Variants in DTD1 observed in about 807,000 individuals in gnomAD.
DTD1 encodes the protein D-tyrosyl-tRNA deacylase 1 homolog.
DTD1 carries 13 observed loss-of-function variants against 25.6 expected under a neutral mutation model. The ratio of observed to expected loss-of-function variants is 0.51; its 90% CI spans 0.33 to 0.81. The LOEUF (loss-of-function observed/expected upper bound fraction) is 0.81. DTD1 is among the 30% of genes least tolerant of loss of function. DTD1 has a pLI of 0.02. For synonymous variants in DTD1, 110 were observed against 103.6 expected, an observed-to-expected ratio of 1.06 and a Z score of -0.37; for missense variants, 193 against 266.4, an observed-to-expected ratio of 0.72 and a Z score of 1.92.
At chr20:18,669,815 G>A (rs896859530) in intron 4 of DTD1, among the ~76,000 whole-genome samples, 1 of 152,124 alleles carries the variant, frequency 6.6e-6, no homozygotes, top group Non-Finnish European at 1.5e-5. Flanking sequence ...ACCGTGGCCT[G>A]CTTAACATTT....
At chr20:18,639,081 A>G (rs1368104840) in intron 4 of DTD1, among the ~76,000 whole-genome samples, 1 of 151,496 alleles carries the variant, frequency 6.6e-6, no homozygotes, top group Admixed American at 6.6e-5. Flanking sequence ...GACATCAGAC[A>G]TTGGACATCA....
At chr20:18,756,493 GCCAGTTTT>G in intron 5 of DTD1, among the ~76,000 whole-genome samples, 1 of 152,324 alleles carries the variant, frequency 6.6e-6, no homozygotes, top group African/African-American at 2.4e-5. Context: ...CATATGGCTA[GCCAGTTTT>G]CCCAGCACCA....
In DTD1 at chr20:18,644,512, A is replaced by G. The variant is rs146982558; in HGVS notation, c.477+16279A>G. ...TATACCTCCCAGATGTGACCTGTGA[A>G]TAAAATACCAGGTAGGCTCAGCCAA... On this transcript the variant is annotated intron_variant, in intron 4 of 5. Transcript: ENST00000377452. Among the ~76,000 whole-genome samples, 1,200 of 152,362 alleles carry G rather than the reference A, an allele frequency of 7.9e-3. 8 individuals are homozygous for G. Among genetic ancestry groups the G allele is most frequent in the Middle Eastern group, 0.014 (4 of 294 alleles).
intron 3 of DTD1, among the ~76,000 whole-genome samples, chr20:18,601,269 G>T (rs1484524720): frequency 6.6e-6 from 1 of 152,154 alleles, no homozygotes; most frequent in Non-Finnish European, 1.5e-5. Context: ...GGAAGCCGAG[G>T]AGGTCAGATC....
intron 4 of DTD1, among the ~76,000 whole-genome samples, chr20:18,666,201 T>A (rs1043025973): frequency 2.6e-5 from 4 of 152,212 alleles, no homozygotes; most frequent in African/African-American, 4.8e-5. Context: ...TTTCTAGTGA[T>A]AGACTATGGT....
At chr20:18,666,105 T>G (rs903384044) in intron 4 of DTD1, among the ~76,000 whole-genome samples, 1 of 152,210 alleles carries the variant, frequency 6.6e-6, no homozygotes, top group Admixed American at 6.5e-5. Flanking sequence ...CAGTGACAGT[T>G]TCTCAGCCTT....
At chr20:18,612,656 ATCTT>A (rs2060691976) in intron 3 of DTD1, among the ~76,000 whole-genome samples, 1 of 151,492 alleles carries the variant, frequency 6.6e-6, no homozygotes, top group African/African-American at 2.4e-5. Flanking sequence ...CTTTTCTGTT[ATCTT>A]TCTTTTTTTT....
At chr20:18,616,142 T>C (rs907567106) in intron 3 of DTD1, among the ~76,000 whole-genome samples, 6 of 152,244 alleles carry the variant, frequency 3.9e-5, no homozygotes, top group African/African-American at 1.4e-4. Flanking sequence ...GTTGGCAAAC[T>C]GTGGTACAGG....
chr20:18,704,690 C>A (rs2061119130), intron 4 of DTD1, among the ~76,000 whole-genome samples: 1 of 152,122 alleles, frequency 6.6e-6, no homozygotes, highest in Non-Finnish European at 1.5e-5. Flanking sequence ...TACCTACCAG[C>A]TTCTAGTGGG....
chr20:18,622,954 T>TTTTTTTTTTTTTTTTTTTTG (rs2060741402), intron 3 of DTD1, among the ~76,000 whole-genome samples: 1 of 150,840 alleles, frequency 6.6e-6, no homozygotes. Context: ...TTTTTTTTTT[T>TTTTTTTTTTTTTTTTTTTTG]GTCTGAGATG....
Position 18,632,623 on chromosome 20 carries a change from TA to T in DTD1, c.477+4391del, listed in dbSNP as rs1352385372. ...TTCTCAGTGTTTTATTTTTCCATTATATTCCAATCAGTAATGAAAACTGCTA... is the reference window on the plus strand; with the variant it reads ...TTCTCAGTGTTTTATTTTTCCATTATTTCCAATCAGTAATGAAAACTGCTA... On this transcript the variant is annotated intron_variant, in intron 4 of 5. Coordinates refer to ENST00000377452, the MANE Select transcript of DTD1 (RefSeq NM_080820.6). The T allele has an allele frequency of 3.6e-5, 35 of 984,452 alleles. No individual in the cohort carries two copies. In the Admixed American group the frequency reaches 2.2e-3, roughly 61 times the overall value. 61.0% of individuals were successfully genotyped at this position (984,452 alleles called of 1,614,324 possible).
chr20:18,757,143 T>C (rs2061342429), intron 5 of DTD1, among the ~76,000 whole-genome samples: 1 of 152,206 alleles, frequency 6.6e-6, no homozygotes, highest in South Asian at 2.1e-4. Context: ...TTTGCTGAAG[T>C]TGCTTATCAG....
rs143393617 is a variant in DTD1, at chr20:18,663,888, G to C, written c.477+35655G>C. Among the ~76,000 whole-genome samples the C allele has an allele frequency of 7.2e-5, 11 of 152,300 alleles. No homozygotes were observed. In the East Asian group the frequency reaches 2.1e-3, roughly 29 times the overall value. Reference sequence around the variant, plus strand: ...TCACTCACTATCATGAGAACAGCGTGGGGGAAAGTGCCCCCATGATTCAGT... The same window carrying C: ...TCACTCACTATCATGAGAACAGCGTCGGGGAAAGTGCCCCCATGATTCAGT... On this transcript the variant is annotated intron_variant, in intron 4 of 5. Transcript: ENST00000377452.
At chr20:18,619,722 GCCT>G (rs1224476302) in intron 3 of DTD1, among the ~76,000 whole-genome samples, 1 of 152,162 alleles carries the variant, frequency 6.6e-6, no homozygotes, top group Non-Finnish European at 1.5e-5. Context: ...ACCGCACCTG[GCCT>G]CCTCTCCTGC....
intron 4 of DTD1, among the ~76,000 whole-genome samples, chr20:18,664,045 T>C (rs1423197537): frequency 6.6e-6 from 1 of 152,246 alleles, no homozygotes; most frequent in Non-Finnish European, 1.5e-5. Context: ...AGCAATAGGC[T>C]ACACCACATA....
chr20:18,624,074 A>T (rs2060747718), intron 3 of DTD1, among the ~76,000 whole-genome samples: 1 of 152,004 alleles, frequency 6.6e-6, no homozygotes. Context: ...AGACCAGTCT[A>T]CCTTGGAGCC....
chr20:18,714,276 C>T (rs1479685133), intron 4 of DTD1, among the ~76,000 whole-genome samples: 2 of 151,986 alleles, frequency 1.3e-5, no homozygotes, highest in African/African-American at 4.8e-5. Context: ...TTTTTGTTTT[C>T]CCATTCCCAA....
intron 3 of DTD1, among the ~76,000 whole-genome samples, chr20:18,622,640 T>TA (rs1272762722): frequency 6.6e-6 from 1 of 152,212 alleles, no homozygotes. Context: ...TTTGCATCTG[T>TA]ATTCAAAGGA....
chr20:18,716,294 T>C (rs2061180422), intron 4 of DTD1, among the ~76,000 whole-genome samples: 1 of 152,200 alleles, frequency 6.6e-6, no homozygotes, highest in African/African-American at 2.4e-5. Flanking sequence ...GGGGAAATAA[T>C]GTTTTAAGAC....
Sources: allele counts gnomAD v4.1 joint callset (sites outside exome capture counted in the v4.1 genomes callset), GRCh38; gene constraint gnomAD v4.1.1; transcripts MANE v1.5; gene names NCBI Gene and HGNC (gene_info 2026-07-23, HGNC 2026-07-21).